Variants in KIF18A observed in about 807,000 individuals in gnomAD.
The protein encoded by KIF18A is kinesin-like protein KIF18A.
A neutral mutation model predicts 103.3 loss-of-function variants in KIF18A; 67 were observed. The observed-to-expected ratio is 0.65, with a 90% CI of 0.53 to 0.79. KIF18A has a LOEUF of 0.79. Among genes scored for constraint, KIF18A ranks in the 30% least tolerant of loss-of-function variants. The probability of loss-of-function intolerance (pLI) is 0.00; values close to 1 mark genes in which losing one functional copy is unlikely to be tolerated. For synonymous variants in KIF18A, 367 were observed against 355.5 expected (o/e 1.03, Z -0.36); for missense variants, 1,032 against 1,062.5 (o/e 0.97, Z 0.40).
Position 28,021,125 on chromosome 11 carries a change from A to G in KIF18A, c.*75T>C, listed in dbSNP as rs1254714622. On this transcript the variant is annotated 3_prime_UTR_variant, in exon 17 of 17. Coordinates refer to ENST00000263181, the MANE Select transcript of KIF18A (RefSeq NM_031217.4). Reference sequence around the variant, plus strand: ...GGGTCTTCTTTCAAAGATTTTAAATATATTTTTGAAAGGGTATTGATAAAC... The same window carrying G: ...GGGTCTTCTTTCAAAGATTTTAAATGTATTTTTGAAAGGGTATTGATAAAC... 22 of 1,303,836 alleles carry G rather than the reference A, an allele frequency of 1.7e-5. No individual in the cohort carries two copies. The highest frequency in any genetic ancestry group is 2.0e-4 in the Middle Eastern group (1 of 5,072). 80.8% of individuals were successfully genotyped at this position (1,303,836 alleles called of 1,614,324 possible).
chr11:28,042,057 T>C (rs1228262187), intron 13 of KIF18A, among the ~76,000 whole-genome samples: 2 of 151,738 alleles, frequency 1.3e-5, no homozygotes, highest in Non-Finnish European at 2.9e-5. Flanking sequence ...TTTTTCCCTT[T>C]CTAGTTTGGA....
At chr11:28,029,408 C>A (rs1412983674) in intron 15 of KIF18A, among the ~76,000 whole-genome samples, 16 of 152,096 alleles carry the variant, frequency 1.1e-4, no homozygotes, top group Middle Eastern at 6.8e-3. Flanking sequence ...CCAGCATATA[C>A]ACAGAACCAA....
rs1387949096 is a variant in KIF18A, at chr11:28,069,364, C to T, written c.1485G>A (p.Glu495=). The T allele has an allele frequency of 6.2e-7, 1 of 1,613,520 alleles. No individual in the cohort carries two copies. Among genetic ancestry groups the T allele is most frequent in the East Asian group, 2.2e-5 (1 of 44,834 alleles). ...AMLKTRRSYL[E]KRREEELKQF... ...GCTTCAATTCCTCCTCCCTCCTTTT[C>T]TCCAGGTAGGAGCGACGAGTTTTCA... Residue 495 remains glutamate (E), a synonymous_variant, in exon 11 of 17, where the codon GAG becomes GAA. Transcript: ENST00000263181.
intron 6 of KIF18A, 101 bp from the exon 7 acceptor site, chr11:28,084,909 C>T (rs1179427347): frequency 8.7e-6 from 7 of 808,378 alleles, no homozygotes; most frequent in African/African-American, 3.5e-5. Context: ...ACCTAGGTGC[C>T]GAGGCAAGAG....
intron 10 of KIF18A, among the ~76,000 whole-genome samples, chr11:28,073,247 T>G (rs1354764544): frequency 1.3e-5 from 2 of 152,020 alleles, no homozygotes; most frequent in Non-Finnish European, 2.9e-5. Flanking sequence ...GCACGAAGTT[T>G]TGAGTATAGT....
At chr11:28,053,953 T>C (rs1207000726) in intron 13 of KIF18A, among the ~76,000 whole-genome samples, 1 of 151,002 alleles carries the variant, frequency 6.6e-6, no homozygotes, top group Non-Finnish European at 1.5e-5. Context: ...CCTTCATTTA[T>C]ACTGCTTGAT....
intron 13 of KIF18A, among the ~76,000 whole-genome samples, chr11:28,054,653 G>A (rs1334809939): frequency 1.3e-5 from 2 of 152,180 alleles, no homozygotes; most frequent in South Asian, 2.1e-4. Flanking sequence ...TATTAGTCAT[G>A]TATACAACAT....
chr11:28,023,734 G>A lies in KIF18A; in HGVS notation c.2614+7C>T. On this transcript the variant is annotated splice_region_variant and intron_variant, in intron 16 of 16. Transcript: ENST00000263181. ...CATTAAATATCAAATTAAAAGCTGA[G>A]ACATACCCATTGTTGGTTTGTTTTC... 6.7e-7 allele frequency: 1 copy of A among 1,491,698 alleles called. No homozygotes were observed. The highest frequency in any genetic ancestry group is 9.4e-7 in the Non-Finnish European group (1 of 1,069,078). 92.4% of individuals were successfully genotyped at this position (1,491,698 alleles called of 1,614,324 possible). A position where few individuals can be genotyped will look rare whatever the true frequency, so the allele number is the denominator to read the frequency against.
chr11:28,035,154 T>C (rs543726819), intron 15 of KIF18A, among the ~76,000 whole-genome samples: 8 of 151,750 alleles, frequency 5.3e-5, no homozygotes, highest in African/African-American at 1.7e-4. Flanking sequence ...TTTCAATTTA[T>C]TTTTAAGTCT....
chr11:28,084,695 T>C lies in KIF18A; in HGVS notation c.1011A>G (p.Val337=), dbSNP rs779204732. ...GAGTGTTATATGTGTCATCGTAGAATACAGAGGAAGGACTAACAGCAGCTA... is the reference window on the plus strand; with the variant it reads ...GAGTGTTATATGTGTCATCGTAGAACACAGAGGAAGGACTAACAGCAGCTA... ...IMIAAVSPSS[V]FYDDTYNTLK... Residue 337 remains valine, a synonymous_variant, in exon 7 of 17, where the codon GTA becomes GTG. Coordinates refer to ENST00000263181, the MANE Select transcript of KIF18A (RefSeq NM_031217.4). The C allele has an allele frequency of 6.8e-6, 11 of 1,612,936 alleles. No homozygotes were observed. The highest frequency in any genetic ancestry group is 9.3e-6 in the Non-Finnish European group (11 of 1,178,944).
chr11:28,056,160 T>C (rs1015816549), intron 13 of KIF18A, among the ~76,000 whole-genome samples: 12 of 118,084 alleles, frequency 1.0e-4, no homozygotes, highest in African/African-American at 3.2e-4. Context: ...AAACCATCCA[T>C]GTTTTTTTTT....
At chr11:28,047,397 T>A (rs1366379217) in intron 13 of KIF18A, among the ~76,000 whole-genome samples, 1 of 152,144 alleles carries the variant, frequency 6.6e-6, no homozygotes, top group African/African-American at 2.4e-5. Flanking sequence ...GTCATGGGAA[T>A]TATATAGTTT....
chr11:28,024,010 A>G (rs1470232227), intron 15 of KIF18A, among the ~76,000 whole-genome samples, 160 bp from the exon 16 acceptor site: 2 of 152,070 alleles, frequency 1.3e-5, no homozygotes, highest in Non-Finnish European at 2.9e-5. Flanking sequence ...TTTGGCCCAC[A>G]GAGAAATTTA....
chr11:28,083,834 T>C (rs1018184650), intron 7 of KIF18A, among the ~76,000 whole-genome samples: 1 of 152,090 alleles, frequency 6.6e-6, no homozygotes, highest in Non-Finnish European at 1.5e-5. Flanking sequence ...TGTACACCCA[T>C]ATAGTATGAC....
At chr11:28,033,138 A>T (rs1439833194) in intron 15 of KIF18A, among the ~76,000 whole-genome samples, 1 of 151,882 alleles carries the variant, frequency 6.6e-6, no homozygotes, top group African/African-American at 2.4e-5. Flanking sequence ...AGAAAAATGT[A>T]AATCAAAACT....
intron 9 of KIF18A, among the ~76,000 whole-genome samples, chr11:28,082,343 T>C (rs1851175752): frequency 6.6e-6 from 1 of 152,110 alleles, no homozygotes; most frequent in Admixed American, 6.6e-5. Context: ...TAAACTTCAT[T>C]GTTGCCTTAT....
intron 13 of KIF18A, among the ~76,000 whole-genome samples, chr11:28,049,626 T>C (rs1850686582): frequency 6.6e-6 from 1 of 152,024 alleles, no homozygotes; most frequent in African/African-American, 2.4e-5. Flanking sequence ...ATTCTTCCTT[T>C]GCAAGCAAGC....
intron 10 of KIF18A, among the ~76,000 whole-genome samples, chr11:28,075,320 C>G (rs1439442944): frequency 6.6e-6 from 1 of 152,134 alleles, no homozygotes; most frequent in African/African-American, 2.4e-5. Context: ...AATCAGAACT[C>G]AGCACCTAGG....
At chr11:28,037,117 G>T (rs1264947703) in intron 13 of KIF18A, among the ~76,000 whole-genome samples, 1 of 151,370 alleles carries the variant, frequency 6.6e-6, no homozygotes, top group Non-Finnish European at 1.5e-5. Context: ...TAGATTTGCG[G>T]GTACACGTAC....
Sources: allele counts gnomAD v4.1 joint callset (sites outside exome capture counted in the v4.1 genomes callset), GRCh38; gene constraint gnomAD v4.1.1; transcripts MANE v1.5; gene names NCBI Gene and HGNC (gene_info 2026-07-23, HGNC 2026-07-21).